The following NPSR1 variants were observed in gnomAD, a reference collection of about 807,000 sequenced individuals.
The protein encoded by NPSR1 is neuropeptide S receptor.
In NPSR1, 48 loss-of-function variants were observed where a neutral mutation model predicts 46.9. The observed-to-expected ratio is 1.02, with a 90% CI of 0.81 to 1.30. The LOEUF (loss-of-function observed/expected upper bound fraction) is 1.30. Ranked by LOEUF, NPSR1 falls within the 50% of genes most tolerant of loss-of-function variation. The probability of loss-of-function intolerance (pLI) is 0.00; values close to 1 mark genes in which losing one functional copy is unlikely to be tolerated. For synonymous variants in NPSR1, 176 were observed against 168.1 expected (o/e 1.05, Z -0.36); for missense variants, 450 against 449.5 (o/e 1.00, Z -0.01).
At chr7:34,787,453 G>T (rs1787516126) in intron 3 of NPSR1, among the ~76,000 whole-genome samples, 1 of 152,068 alleles carries the variant, frequency 6.6e-6, no homozygotes, top group South Asian at 2.1e-4. Context: ...TCATTTTCTT[G>T]TAATTTGTGT....
At chr7:34,732,994 A>G (rs949947520) in intron 2 of NPSR1, among the ~76,000 whole-genome samples, 11 of 152,226 alleles carry the variant, frequency 7.2e-5, no homozygotes, top group African/African-American at 2.7e-4. Context: ...CACTTGGTAA[A>G]AGTAAAGGTG....
chr7:34,789,740 C>CAA (rs751424409), intron 3 of NPSR1, among the ~76,000 whole-genome samples: 2,405 of 45,158 alleles, frequency 0.053, 298 homozygotes, highest in African/African-American at 0.093. Context: ...TTGCAGTGCG[C>CAA]AAAAAAAAAA....
chr7:34,662,031 T>C (rs181645374), intron 1 of NPSR1, among the ~76,000 whole-genome samples: 32 of 152,306 alleles, frequency 2.1e-4, no homozygotes, highest in Admixed American at 2.1e-3. Flanking sequence ...CCTGAATCTC[T>C]GATACTTAAT....
chr7:34,834,357 T>C (rs1790268214), intron 5 of NPSR1, 27 bp from the exon 6 acceptor site: 1 of 1,591,240 alleles, frequency 6.3e-7, no homozygotes, highest in Admixed American at 1.7e-5. Flanking sequence ...CCAGTCACTT[T>C]AATACTACCT....
chr7:34,751,087 T>C (rs1785497775), intron 2 of NPSR1: 2 of 797,978 alleles, frequency 2.5e-6, no homozygotes, highest in Non-Finnish European at 4.6e-6. Flanking sequence ...ACCTTCACCA[T>C]GTCCTTGAGG....
intron 2 of NPSR1, among the ~76,000 whole-genome samples, chr7:34,748,003 G>A (rs1027416588): frequency 3.9e-5 from 6 of 152,180 alleles, no homozygotes; most frequent in Non-Finnish European, 7.3e-5. Context: ...TGTGCAGCAA[G>A]GCTTTTGGCC....
intron 2 of NPSR1, among the ~76,000 whole-genome samples, chr7:34,685,439 G>T (rs1242361478): frequency 6.6e-6 from 1 of 152,162 alleles, no homozygotes; most frequent in Non-Finnish European, 1.5e-5. Flanking sequence ...GCCACACTTG[G>T]AGTCCTAAGC....
At chr7:34,791,483 C>T (rs937475945) in intron 3 of NPSR1, among the ~76,000 whole-genome samples, 1 of 149,772 alleles carries the variant, frequency 6.7e-6, no homozygotes, top group Non-Finnish European at 1.5e-5. Flanking sequence ...GAATAAAATA[C>T]GTAGAAATGA....
intron 2 of NPSR1, among the ~76,000 whole-genome samples, chr7:34,730,121 C>A (rs1472377716): frequency 1.3e-5 from 2 of 152,130 alleles, no homozygotes; most frequent in Non-Finnish European, 2.9e-5. Flanking sequence ...AAGAAAATCG[C>A]ACAAGTTTAC....
chr7:34,786,363 CTTCTAA>C (rs1406460330), intron 3 of NPSR1, among the ~76,000 whole-genome samples: 1 of 152,158 alleles, frequency 6.6e-6, no homozygotes, highest in Admixed American at 6.6e-5. Context: ...ACACACTCCA[CTTCTAA>C]TTCTATTTCT....
intron 2 of NPSR1, among the ~76,000 whole-genome samples, chr7:34,761,819 T>C (rs1271860276): frequency 6.6e-6 from 1 of 152,226 alleles, no homozygotes; most frequent in African/African-American, 2.4e-5. Context: ...TGCAATGATC[T>C]TGTGCAATGA....
intron 4 of NPSR1, among the ~76,000 whole-genome samples, chr7:34,822,549 TAAAG>T (rs1383850526): frequency 3.3e-5 from 5 of 152,160 alleles, no homozygotes; most frequent in Non-Finnish European, 7.4e-5. Flanking sequence ...ATCAAAATAA[TAAAG>T]AGAAATATGC....
At chr7:34,755,155 T>C (rs925661761) in intron 2 of NPSR1, among the ~76,000 whole-genome samples, 1 of 152,216 alleles carries the variant, frequency 6.6e-6, no homozygotes, top group Non-Finnish European at 1.5e-5. Context: ...GCAGAATTGC[T>C]GGGTCATATG....
At chr7:34,684,296 T>C (rs1792807560) in intron 1 of NPSR1, among the ~76,000 whole-genome samples, 1 of 152,250 alleles carries the variant, frequency 6.6e-6, no homozygotes, top group Admixed American at 6.5e-5. Flanking sequence ...TTTCACATAG[T>C]GTTACAATTA....
chr7:34,812,066 T>C (rs1789011975), intron 4 of NPSR1, among the ~76,000 whole-genome samples: 1 of 152,168 alleles, frequency 6.6e-6, no homozygotes, highest in South Asian at 2.1e-4. Context: ...AAAACTTAGA[T>C]GCCTGGAAAA....
intron 1 of NPSR1, among the ~76,000 whole-genome samples, chr7:34,663,093 G>GTGT (rs1554301952): frequency 2.7e-5 from 3 of 112,326 alleles, no homozygotes; most frequent in African/African-American, 7.9e-5. Context: ...ATGTGTGTGT[G>GTGT]GCGGGGGGGA....
intron 2 of NPSR1, among the ~76,000 whole-genome samples, chr7:34,775,524 T>C (rs768991986): frequency 3.3e-5 from 5 of 152,176 alleles, no homozygotes; most frequent in Non-Finnish European, 7.4e-5. Context: ...TTGTTATTGG[T>C]CATAGTTCAA....
intron 1 of NPSR1, among the ~76,000 whole-genome samples, chr7:34,664,701 T>C (rs1252889630): frequency 6.6e-6 from 1 of 152,176 alleles, no homozygotes; most frequent in Non-Finnish European, 1.5e-5. Context: ...GTCATCCTGA[T>C]ATTATGTCTA....
Position 34,658,596 on chromosome 7 carries a change from T to C in NPSR1, c.147+37T>C, listed in dbSNP as rs770783891. 14 of 1,597,736 alleles carry C rather than the reference T, an allele frequency of 8.8e-6. No individual in the cohort carries two copies. In the South Asian group the frequency reaches 1.1e-4, roughly 13 times the overall value. ...GCCTGCGACTCTGAACACTGACTTA[T>C]AACAATGAGACTGCTGGAACTTAAG... is the stretch of plus-strand genomic sequence containing the variant. On this transcript the variant is annotated intron_variant, in intron 1 of 8. Transcript: ENST00000360581.
Sources: gnomAD v4.1 joint callset for allele counts (sites outside exome capture counted in the v4.1 genomes callset) on GRCh38, gnomAD v4.1.1 for gene constraint, MANE v1.5 for transcripts, NCBI Gene and HGNC (gene_info 2026-07-23, HGNC 2026-07-21) for gene names.